The following DDX3X variants were observed in gnomAD, a reference collection of about 807,000 sequenced individuals.
DDX3X encodes the protein DEAD-box helicase 3 X-linked.
DDX3X carries 4 observed loss-of-function variants against 52.7 expected under a neutral mutation model. The observed-to-expected ratio is 0.08, with a 90% confidence interval of 0.04 to 0.17. The LOEUF (loss-of-function observed/expected upper bound fraction) is 0.17. DDX3X is among the 10% of genes least tolerant of loss of function. The pLI, the probability that DDX3X is intolerant of heterozygous loss-of-function variation, is 1.00. For synonymous variants in DDX3X, 192 were observed against 178.1 expected, an observed-to-expected ratio of 1.08 and a Z score of -0.62; for missense variants, 222 against 548.6, an observed-to-expected ratio of 0.40 and a Z score of 5.95.
chrX:41,345,460 C>T lies in DDX3X; in HGVS notation c.1227C>T (p.Gly409=), dbSNP rs375797450. 1.6e-5 allele frequency: 19 copies of T among 1,207,780 alleles called. No homozygotes were observed. Among genetic ancestry groups the T allele is most frequent in the Non-Finnish European group, 2.1e-5 (19 of 893,658 alleles). Residue 409 remains glycine, a synonymous_variant, in exon 12 of 17, where the codon GGC becomes GGT. Coordinates refer to ENST00000644876, the MANE Select transcript of DDX3X (RefSeq NM_001356.5). ...EYIFLAVGRV[G]STSENITQKV... is the part of the protein sequence containing the mutation. ...TCTTCTTGGCTGTAGGAAGAGTTGG[C>T]TCTACCTCTGAAAACATCACACAGA...
chrX:41,356,078 A>T (rs1049064571), intron 5 of DDX3X, among the ~76,000 whole-genome samples: 1 of 110,035 alleles, frequency 9.1e-6, no homozygotes, highest in Non-Finnish European at 1.9e-5. Context: ...TCTTTTGCAG[A>T]GCAAATGCTT....
At chrX:41,337,643 T>C (rs1159479239) in intron 2 of DDX3X, 178 bp downstream of exon 2, 3 of 30,444 alleles carry the variant, frequency 9.9e-5, no homozygotes, top group African/African-American at 5.2e-4. Context: ...CATCGTTGCC[T>C]TTTTTTTTTT....
chrX:41,341,619 A>C lies in DDX3X; in HGVS notation c.284+3A>C, dbSNP rs1188370836. The C allele has an allele frequency of 5.0e-6, 6 of 1,207,434 alleles. No individual in the cohort carries two copies. The East Asian group carries it at 1.2e-4, about 24-fold the overall frequency. ...CGTGGAAGTGGATCAAGGGGAAGGT[A>C]AGTGATTTCTTAATCACCTTACGTG... On this transcript the variant is annotated splice_donor_region_variant and intron_variant, in intron 4 of 16. Coordinates refer to ENST00000644876, the MANE Select transcript of DDX3X (RefSeq NM_001356.5).
intron 5 of DDX3X, among the ~76,000 whole-genome samples, chrX:41,360,538 G>A (rs1185091145): frequency 9.3e-6 from 1 of 107,918 alleles, no homozygotes; most frequent in East Asian, 3.0e-4. Context: ...TGTCTCCCAG[G>A]TTCAAGTGAT....
chrX:41,358,065 CTTTTTTTTTTT>C lies in DDX3X; in HGVS notation c.655-6190_655-6180del, dbSNP rs59380932. ...CCTATCTGGGACAGAGATAGACACTCTTTTTTTTTTTTTTTTTTTTTTTTTTTTTGAGATGG... is the reference window on the plus strand; with the variant it reads ...CCTATCTGGGACAGAGATAGACACTCTTTTTTTTTTTTTTTTTTGAGATGG... On this transcript the variant is annotated intron_variant, in intron 5 of 5. Coordinates refer to the DDX3X transcript ENST00000616050. The C allele has an allele frequency of 3.7e-4, 17 of 45,972 alleles. No homozygotes were observed. The South Asian group carries it at 7.3e-3, about 20-fold the overall frequency. 3.8% of individuals were successfully genotyped at this position (45,972 alleles called of 1,213,427 possible).
chrX:41,336,862 T>TA (rs2063778696), intron 1 of DDX3X: 1 of 114,475 alleles, frequency 8.7e-6, no homozygotes, highest in African/African-American at 3.2e-5. Context: ...ACTACCCGAC[T>TA]AAAAATACTT....
In DDX3X at chrX:41,362,203, C is replaced by G. The variant is rs180791213; in HGVS notation, c.655-2071C>G. Among the ~76,000 whole-genome samples, 123 of 108,301 alleles carry G rather than the reference C, an allele frequency of 1.1e-3. 1 individual carries two copies. Among genetic ancestry groups the G allele is most frequent in the African/African-American group, 3.9e-3 (117 of 29,647 alleles). The allele number at this position is 108,301 out of a possible 115,157, so 94.0% of individuals were successfully genotyped here. A position where few individuals can be genotyped will look rare whatever the true frequency, so the allele number is the denominator to read the frequency against. On this transcript the variant is annotated intron_variant, in intron 5 of 5. Coordinates refer to the DDX3X transcript ENST00000616050. ...TCCTGGGTTCAAGCAATTCTCCTGC[C>G]TCAGCCTCCTGAGTAGCTGGGATTA...
chrX:41,341,359 T>A, intron 3 of DDX3X, 125 bp from the exon 4 acceptor site: 1 of 518,514 alleles, frequency 1.9e-6, no homozygotes, highest in Non-Finnish European at 3.0e-6. Flanking sequence ...AAATCTTGGT[T>A]CTCTTACAGT....
At chrX:41,339,112 C>T (rs1168625765) in intron 3 of DDX3X, 29 bp downstream of exon 3, 5 of 946,357 alleles carry the variant, frequency 5.3e-6, no homozygotes, top group Non-Finnish European at 5.7e-6. Flanking sequence ...CTTCGTAGGT[C>T]TATTTTTTGC....
At position 41,334,188 on chromosome X, in the gene DDX3X, C is replaced by A; in HGVS notation, c.-65C>A. On this transcript the variant is annotated 5_prime_UTR_variant, in exon 1 of 17. Transcript: ENST00000644876. Reference sequence around the variant, plus strand: ...GAGCCGCAGTTCTCCCGTGAGAGGGCCTTCGCGGTGGAACAAACACTCGCT... The same window carrying A: ...GAGCCGCAGTTCTCCCGTGAGAGGGACTTCGCGGTGGAACAAACACTCGCT... 1 of 1,103,382 alleles carries A rather than the reference C, an allele frequency of 9.1e-7. No homozygotes were observed. The highest frequency in any genetic ancestry group is 3.1e-5 in the East Asian group (1 of 32,479). The allele number at this position is 1,103,382 out of a possible 1,213,427, so 90.9% of individuals were successfully genotyped here.
At chrX:41,343,555 T>A in intron 7 of DDX3X, 182 bp from the exon 8 acceptor site, 1 of 539,955 alleles carries the variant, frequency 1.9e-6, no homozygotes, top group Non-Finnish European at 2.9e-6. Flanking sequence ...CAGGCTTTAT[T>A]TACAAAATAG....
intron 5 of DDX3X, among the ~76,000 whole-genome samples, chrX:41,359,969 G>A (rs762655974): frequency 2.9e-3 from 310 of 108,306 alleles, no homozygotes; most frequent in African/African-American, 9.6e-3. Flanking sequence ...GCGACAGAGC[G>A]AGACTCTGTC....
downstream of DDX3X, among the ~76,000 whole-genome samples, chrX:41,352,873 T>G (rs1315881977): frequency 8.9e-6 from 1 of 111,852 alleles, no homozygotes; most frequent in Non-Finnish European, 1.9e-5. Flanking sequence ...TTTTTGTCAT[T>G]TGTTTCAGAC....
chrX:41,358,819 C>T (rs1285973762), intron 5 of DDX3X, among the ~76,000 whole-genome samples: 2 of 111,359 alleles, frequency 1.8e-5, no homozygotes, highest in Admixed American at 9.6e-5. Context: ...AGTACAATGG[C>T]GCCATCTTGG....
In DDX3X at chrX:41,343,589, G is replaced by T. The variant is rs895146125; in HGVS notation, c.680-148G>T. ...AGTCTCAGTTTGCTGACTCCTCTTA[G>T]AGGTGGAGCAGAGAAGCCACTTTTT... On this transcript the variant is annotated intron_variant, in intron 7 of 16. Transcript: ENST00000644876. The T allele has an allele frequency of 4.3e-5, 24 of 554,933 alleles. No individual in the cohort carries two copies. The African/African-American group carries it at 5.2e-4, about 12-fold the overall frequency. The allele number at this position is 554,933 out of a possible 1,213,427, so 45.7% of individuals were successfully genotyped here. A position where few individuals can be genotyped will look rare whatever the true frequency, so the allele number is the denominator to read the frequency against.
chrX:41,347,245 G>A, intron 15 of DDX3X, 67 bp from the exon 16 acceptor site: 1 of 1,113,821 alleles, frequency 9.0e-7, no homozygotes, highest in Non-Finnish European at 1.2e-6. Context: ...TTGGTCATTA[G>A]GAAAGAGTTA....
intron 1 of DDX3X, chrX:41,336,853 C>A (rs906609663): frequency 8.8e-6 from 1 of 114,037 alleles, no homozygotes; most frequent in East Asian, 2.8e-4. Context: ...CTTAAGAGTA[C>A]TACCCGACTA....
Position 41,347,782 on chromosome X carries a change from C to A in DDX3X, c.*63C>A. On this transcript the variant is annotated 3_prime_UTR_variant, in exon 17 of 17. Coordinates refer to ENST00000644876, the MANE Select transcript of DDX3X (RefSeq NM_001356.5). ...ATATGGAAACCACATGTAACTTAGC[C>A]AGACTATACCTTGTGTAGCTTCAAG... 2 of 727,260 alleles carry A rather than the reference C, an allele frequency of 2.8e-6. No individual in the cohort carries two copies. Among genetic ancestry groups the A allele is most frequent in the Non-Finnish European group, 2.1e-6 (1 of 481,159 alleles). The allele number at this position is 727,260 out of a possible 1,213,427, so 59.9% of individuals were successfully genotyped here.
chrX:41,351,039 A>G (rs772258566), downstream of DDX3X: 3 of 112,070 alleles, frequency 2.7e-5, no homozygotes, highest in African/African-American at 9.7e-5. Flanking sequence ...ACACATGGCC[A>G]TATGTATTTT....
Sources: allele counts gnomAD v4.1 joint callset (sites outside exome capture counted in the v4.1 genomes callset), GRCh38; gene constraint gnomAD v4.1.1; transcripts MANE v1.5; gene names NCBI Gene and HGNC (gene_info 2026-07-23, HGNC 2026-07-21).